The following KIAA1217 variants were observed in gnomAD, a reference collection of about 807,000 sequenced individuals.
The protein encoded by KIAA1217 is sickle tail protein homolog.
KIAA1217 carries 88 observed loss-of-function variants against 163.9 expected under a neutral mutation model. The observed-to-expected ratio is 0.54, with a 90% CI of 0.45 to 0.64. The LOEUF (loss-of-function observed/expected upper bound fraction) is 0.64. KIAA1217 is among the 30% of genes least tolerant of loss of function. The pLI, the probability that KIAA1217 is intolerant of heterozygous loss-of-function variation, is 0.00. For missense variants in KIAA1217, 2,372 were observed against 2,475.0 expected, an observed-to-expected ratio of 0.96 and a Z score of 0.88; for synonymous variants, 903 against 923.1, an observed-to-expected ratio of 0.98 and a Z score of 0.39.
At chr10:23,828,589 T>C (rs1445911788) in intron 1 of KIAA1217, among the ~76,000 whole-genome samples, 2 of 152,218 alleles carry the variant, frequency 1.3e-5, no homozygotes, top group Non-Finnish European at 1.5e-5. Flanking sequence ...TTCCAAAAGC[T>C]AAATGTTTTT....
rs2071530286 is a variant in KIAA1217, at chr10:24,523,049, A to T, written c.2456+1120A>T. Among the ~76,000 whole-genome samples the T allele has an allele frequency of 1.3e-5, 2 of 151,942 alleles. 1 individual carries two copies. The highest frequency in any genetic ancestry group is 4.2e-4 in the South Asian group (2 of 4,816). On this transcript the variant is annotated intron_variant, in intron 12 of 20. Transcript: ENST00000376454. ...GTGCTCGTAATCCCAGCTACTCAGG[A>T]GGCTGAGATGGGAGGATCACTTAGG...
At chr10:24,428,411 G>A (rs1268341943) in intron 3 of KIAA1217, among the ~76,000 whole-genome samples, 1 of 152,194 alleles carries the variant, frequency 6.6e-6, no homozygotes, top group East Asian at 1.9e-4. Flanking sequence ...TGAAAAAGCT[G>A]AGGGTCAACA....
At chr10:24,145,858 A>G (rs1307296183) in intron 2 of KIAA1217, among the ~76,000 whole-genome samples, 1 of 152,182 alleles carries the variant, frequency 6.6e-6, no homozygotes, top group South Asian at 2.1e-4. Context: ...AAGTCCTTCT[A>G]CTCTCTTCTG....
At chr10:24,011,765 G>T (rs968868409) in intron 2 of KIAA1217, among the ~76,000 whole-genome samples, 17 of 152,094 alleles carry the variant, frequency 1.1e-4, no homozygotes, top group African/African-American at 3.9e-4. Context: ...TCAGTAATTG[G>T]TGTTGGGTTG....
chr10:24,487,246 T>A (rs1198521712), intron 6 of KIAA1217, among the ~76,000 whole-genome samples: 1 of 152,184 alleles, frequency 6.6e-6, no homozygotes, highest in African/African-American at 2.4e-5. Flanking sequence ...AGTACCTTAT[T>A]GATAGCACTG....
At chr10:24,359,477 T>C (rs1411429347) in intron 2 of KIAA1217, among the ~76,000 whole-genome samples, 2 of 152,258 alleles carry the variant, frequency 1.3e-5, no homozygotes, top group African/African-American at 4.8e-5. Flanking sequence ...CTTTAGCATT[T>C]TTCTCAAGTT....
At chr10:24,245,806 T>C (rs2073729572) in intron 2 of KIAA1217, among the ~76,000 whole-genome samples, 1 of 151,982 alleles carries the variant, frequency 6.6e-6, no homozygotes, top group South Asian at 2.1e-4. Context: ...AATTTTTTTT[T>C]TTTTTCTTTT....
intron 5 of KIAA1217, among the ~76,000 whole-genome samples, chr10:24,470,348 G>A (rs1298766990): frequency 2.0e-5 from 3 of 152,148 alleles, no homozygotes; most frequent in Non-Finnish European, 2.9e-5. Context: ...AATGACCTTG[G>A]GACTGTTCCT....
At chr10:23,869,872 T>C (rs1458151313) in intron 1 of KIAA1217, among the ~76,000 whole-genome samples, 1 of 152,158 alleles carries the variant, frequency 6.6e-6, no homozygotes, top group African/African-American at 2.4e-5. Flanking sequence ...CAATATTTAG[T>C]TAATATCTTG....
At chr10:24,328,276 A>T (rs2045206269) in intron 2 of KIAA1217, among the ~76,000 whole-genome samples, 1 of 152,052 alleles carries the variant, frequency 6.6e-6, no homozygotes. Context: ...AGAAAACAGG[A>T]ATTAGGGAGA....
At chr10:23,975,280 G>A (rs866754312) in intron 1 of KIAA1217, among the ~76,000 whole-genome samples, 3 of 152,036 alleles carry the variant, frequency 2.0e-5, no homozygotes, top group South Asian at 2.1e-4. Context: ...CTGGCTCCCC[G>A]CACTCCTTTC....
intron 1 of KIAA1217, among the ~76,000 whole-genome samples, chr10:23,774,493 G>A (rs545925925): frequency 7.9e-5 from 12 of 152,284 alleles, no homozygotes; most frequent in Admixed American, 2.6e-4. Context: ...GCCCTAGAAT[G>A]CCCTGCAGGA....
chr10:23,762,491 C>G (rs188573674), intron 1 of KIAA1217, among the ~76,000 whole-genome samples: 10 of 152,250 alleles, frequency 6.6e-5, no homozygotes, highest in Non-Finnish European at 5.9e-5. Flanking sequence ...TAATCCATCA[C>G]ACAAACAGAA....
Position 23,938,197 on chromosome 10 carries a change from C to T in KIAA1217, c.-320-69028C>T, listed in dbSNP as rs75967455. 5.7e-3 allele frequency among the ~76,000 whole-genome samples: 864 copies of T among 152,178 alleles called. 13 individuals carry two copies. Among genetic ancestry groups the T allele is most frequent in the African/African-American group, 0.02 (824 of 41,530 alleles). On this transcript the variant is annotated intron_variant, in intron 1 of 18. Transcript: ENST00000376462. Reference sequence around the variant, plus strand: ...GAGCTCACGCAAGACTTGGAATAGTCGGTGTTTCCACCAGGCAAAATAGGA... The same window carrying T: ...GAGCTCACGCAAGACTTGGAATAGTTGGTGTTTCCACCAGGCAAAATAGGA...
chr10:23,851,071 G>C (rs1346845967), intron 1 of KIAA1217, among the ~76,000 whole-genome samples: 2 of 152,044 alleles, frequency 1.3e-5, no homozygotes, highest in African/African-American at 2.4e-5. Flanking sequence ...GTGCAGGTTA[G>C]TTACATATGT....
intron 2 of KIAA1217, among the ~76,000 whole-genome samples, chr10:24,244,946 T>G (rs6482375): frequency 6.6e-6 from 1 of 152,102 alleles, no homozygotes; most frequent in Non-Finnish European, 1.5e-5. Context: ...GTCTTCAACT[T>G]CCTGGTTGTA....
At chr10:23,731,940 C>T (rs1359301239) in intron 1 of KIAA1217, among the ~76,000 whole-genome samples, 2 of 151,964 alleles carry the variant, frequency 1.3e-5, no homozygotes, top group Non-Finnish European at 2.9e-5. Context: ...CCTTGCATAC[C>T]TGGGATAAAT....
At chr10:23,893,680 C>T (rs1291093191) in intron 1 of KIAA1217, among the ~76,000 whole-genome samples, 1 of 151,646 alleles carries the variant, frequency 6.6e-6, no homozygotes, top group Non-Finnish European at 1.5e-5. Context: ...GGCAGAGACG[C>T]AACCAAAAAA....
chr10:24,501,580 G>A (rs748304892), intron 9 of KIAA1217, 35 bp downstream of exon 9: 1 of 1,592,192 alleles, frequency 6.3e-7, no homozygotes. Context: ...TGTCTCGGTT[G>A]CCCTGAGCTC....
Sources: allele counts gnomAD v4.1 joint callset (sites outside exome capture counted in the v4.1 genomes callset), GRCh38; gene constraint gnomAD v4.1.1; transcripts MANE v1.5; gene names NCBI Gene and HGNC (gene_info 2026-07-23, HGNC 2026-07-21).